ROS1: variants seen among roughly 807,000 people sequenced by gnomAD.
ROS1 encodes the protein proto-oncogene tyrosine-protein kinase ROS.
In ROS1, 263 loss-of-function variants were observed where a neutral mutation model predicts 273.5. That is an observed-to-expected ratio of 0.96 (90% CI 0.87 to 1.06). The LOEUF is 1.06. Ranked by LOEUF, ROS1 falls within the 50% of genes least tolerant of loss-of-function variation. The probability of loss-of-function intolerance (pLI) is 0.00; values close to 1 mark genes in which losing one functional copy is unlikely to be tolerated. For synonymous variants in ROS1, 1,008 were observed against 954.1 expected (o/e 1.06, Z -1.04); for missense variants, 2,833 against 2,751.1 (o/e 1.03, Z -0.67).
chr6:117,353,249 A>C, intron 26 of ROS1, 83 bp from the exon 27 acceptor site: 1 of 990,324 alleles, frequency 1.0e-6, no homozygotes, highest in East Asian at 2.8e-5. Flanking sequence ...AATTTTTTCT[A>C]TATTATAATT....
At chr6:117,404,117 C>A (rs1774189053) in intron 6 of ROS1, among the ~76,000 whole-genome samples, 163 bp downstream of exon 6, 1 of 151,994 alleles carries the variant, frequency 6.6e-6, no homozygotes, top group Admixed American at 6.6e-5. Flanking sequence ...CGCCTGTGGG[C>A]GGCTGAGGCA....
chr6:117,333,373 G>A (rs1205632805), intron 32 of ROS1, among the ~76,000 whole-genome samples: 1 of 152,098 alleles, frequency 6.6e-6, no homozygotes, highest in African/African-American at 2.4e-5. Context: ...ACCAAAAAAA[G>A]CCCAGGACCA....
At position 117,362,713 on chromosome 6, in the gene ROS1, G is replaced by C. The variant is rs781304519; in HGVS notation, c.3256C>G (p.Gln1086Glu). The change falls in exon 22 of 44, where the codon CAA becomes GAA. Residue 1086 changes from glutamine (Q) to glutamate (E), a missense_variant. Coordinates refer to ENST00000368507, the MANE Select transcript of ROS1 (RefSeq NM_001378902.1). ...TCACATGTTTTGTTTGTAATACTTT[G>C]ATTGGATATATTGTAGAAAATTTCA... The part of the protein sequence containing the change: ...KFEIFYNISN[Q>E]SITNKTCEDW... 5 of 1,613,426 alleles carry C rather than the reference G, an allele frequency of 3.1e-6. No homozygotes were observed. The highest frequency in any genetic ancestry group is 4.2e-6 in the Non-Finnish European group (5 of 1,179,570).
chr6:117,397,003 T>C lies in ROS1; in HGVS notation c.718A>G (p.Arg240Gly). ...AATTTTTGATTTTTGCTGATCAGCC[T>C]TAAGTTATAACCCAAAATAGGTCCA... ...PGGPILGYNLRLISKNQKLDA... is the reference protein window; with the variant it reads ...PGGPILGYNLGLISKNQKLDA... Residue 240 changes from arginine to glycine, a missense_variant, in exon 8 of 44, where the codon AGG (arginine) becomes GGG (glycine). Physicochemically the swap from Arg to Gly is moderately radical, Grantham distance 125. Transcript: ENST00000368507. The C allele has an allele frequency of 6.2e-7, 1 of 1,614,056 alleles. No homozygotes were observed. Among genetic ancestry groups the C allele is most frequent in the Non-Finnish European group, 8.5e-7 (1 of 1,179,914 alleles).
Position 117,327,902 on chromosome 6 carries a change from C to T in ROS1, c.5348+1427G>A, listed in dbSNP as rs534640159. 2.0e-4 allele frequency among the ~76,000 whole-genome samples: 31 copies of T among 152,228 alleles called. No individual in the cohort carries two copies. The South Asian group carries it at 5.8e-3, about 29-fold the overall frequency. On this transcript the variant is annotated intron_variant, in intron 33 of 43. Coordinates refer to ENST00000368507, the MANE Select transcript of ROS1 (RefSeq NM_001378902.1). ...GGTGATGATGACAGTGATGCACCTA[C>T]GAGCCAAGGAATACCAAGGACTGCC...
intron 25 of ROS1, among the ~76,000 whole-genome samples, 167 bp downstream of exon 25, chr6:117,357,637 G>C (rs906446685): frequency 2.0e-5 from 3 of 152,110 alleles, no homozygotes; most frequent in Non-Finnish European, 4.4e-5. Flanking sequence ...ATTTGTAGTT[G>C]TGCCTCCTAA....
At chr6:117,335,033 C>T (rs555059612) in intron 32 of ROS1, among the ~76,000 whole-genome samples, 3 of 152,140 alleles carry the variant, frequency 2.0e-5, no homozygotes, top group Non-Finnish European at 4.4e-5. Context: ...GCAAAAGAAA[C>T]TATCATCAGA....
intron 35 of ROS1, among the ~76,000 whole-genome samples, chr6:117,323,509 G>A (rs747544223): frequency 3.8e-4 from 57 of 151,956 alleles, no homozygotes; most frequent in Non-Finnish European, 6.3e-4. Flanking sequence ...CAGTGTGTTG[G>A]GGACTCTCAA....
At chr6:117,368,667 T>G (rs1321805) in intron 18 of ROS1, among the ~76,000 whole-genome samples, 36,040 of 152,096 alleles carry the variant, frequency 0.24, 5,235 homozygotes, top group African/African-American at 0.38. Flanking sequence ...AACTAATATT[T>G]GATTCATATA....
At chr6:117,303,823 G>A (rs1355108612) in intron 42 of ROS1, among the ~76,000 whole-genome samples, 1 of 152,154 alleles carries the variant, frequency 6.6e-6, no homozygotes, top group Non-Finnish European at 1.5e-5. Flanking sequence ...TGCCTGTGGA[G>A]CTAGAACAAG....
At chr6:117,413,194 A>G (rs938330657) in intron 4 of ROS1, among the ~76,000 whole-genome samples, 1 of 152,202 alleles carries the variant, frequency 6.6e-6, no homozygotes, top group Non-Finnish European at 1.5e-5. Flanking sequence ...ATGAAGGATA[A>G]TTTATACTGC....
intron 1 of ROS1, 77 bp from the exon 2 acceptor site, chr6:117,418,583 C>T: frequency 9.1e-7 from 1 of 1,100,302 alleles, no homozygotes; most frequent in South Asian, 1.7e-5. Context: ...TTTAAAAAAG[C>T]TTCCTGAAAT....
intron 43 of ROS1, among the ~76,000 whole-genome samples, chr6:117,291,057 G>A (rs941696773): frequency 9.9e-5 from 15 of 152,028 alleles, no homozygotes; most frequent in Admixed American, 5.9e-4. Context: ...TGCAAACTCC[G>A]CCTTTAATTC....
intron 43 of ROS1, among the ~76,000 whole-genome samples, chr6:117,291,057 G>T (rs941696773): frequency 6.6e-6 from 1 of 152,028 alleles, no homozygotes; most frequent in Non-Finnish European, 1.5e-5. Flanking sequence ...TGCAAACTCC[G>T]CCTTTAATTC....
At chr6:117,394,116 C>A in intron 11 of ROS1, 46 bp downstream of exon 11, 2 of 1,239,968 alleles carry the variant, frequency 1.6e-6, no homozygotes, top group South Asian at 1.5e-5. Context: ...ATATGCATAT[C>A]AGTATCACTG....
intron 27 of ROS1, among the ~76,000 whole-genome samples, chr6:117,349,894 G>A (rs1778677529): frequency 6.6e-6 from 1 of 151,822 alleles, no homozygotes; most frequent in Non-Finnish European, 1.5e-5. Flanking sequence ...TATCCCTTGT[G>A]TCACTGCTGT....
chr6:117,386,831 T>C, intron 15 of ROS1, 58 bp downstream of exon 15: 2 of 826,594 alleles, frequency 2.4e-6, no homozygotes, highest in Non-Finnish European at 4.0e-6. Context: ...TTGAATGATG[T>C]GGGAAGTCTT....
intron 42 of ROS1, 51 bp downstream of exon 42, chr6:117,308,743 T>C (rs1775308692): frequency 3.8e-6 from 6 of 1,582,612 alleles, no homozygotes; most frequent in Admixed American, 1.8e-5. Context: ...TAAGATTGTA[T>C]GTGCACATGT....
chr6:117,326,460 G>T, intron 33 of ROS1, 46 bp from the exon 34 acceptor site: 1 of 1,140,760 alleles, frequency 8.8e-7, no homozygotes, highest in Non-Finnish European at 1.2e-6. Context: ...CAATATACCT[G>T]TTATTTCTAG....
Sources: gnomAD v4.1 joint callset for allele counts (sites outside exome capture counted in the v4.1 genomes callset) on GRCh38, gnomAD v4.1.1 for gene constraint, MANE v1.5 for transcripts, NCBI Gene and HGNC (gene_info 2026-07-23, HGNC 2026-07-21) for gene names.